CEP152: variants seen among roughly 807,000 people sequenced by gnomAD.
The protein encoded by CEP152 is centrosomal protein 152.
In CEP152, 132 loss-of-function variants were observed where a neutral mutation model predicts 188.9. The ratio of observed to expected loss-of-function variants is 0.70; its 90% confidence interval spans 0.61 to 0.81. CEP152 has a LOEUF of 0.81. CEP152 is among the 30% of genes least tolerant of loss of function. CEP152 has a pLI of 0.00. For missense variants in CEP152, 1,914 were observed against 1,969.8 expected (o/e 0.97, Z 0.54); for synonymous variants, 649 against 666.6 (o/e 0.97, Z 0.41).
chr15:48,801,123 C>T (rs1037576057), intron 2 of CEP152, among the ~76,000 whole-genome samples: 1 of 152,200 alleles, frequency 6.6e-6, no homozygotes, highest in Non-Finnish European at 1.5e-5. Context: ...GAATACCTAA[C>T]GGTCATATTC....
chr15:48,756,616 T>C, intron 19 of CEP152, 63 bp from the exon 20 acceptor site: 1 of 1,507,878 alleles, frequency 6.6e-7, no homozygotes, highest in Non-Finnish European at 9.0e-7. Flanking sequence ...GCAAAAAAAT[T>C]AAGGTAACTA....
In CEP152 at chr15:48,748,303, T is replaced by G. The variant is rs114032571; in HGVS notation, c.3634+140A>C. 4,347 of 1,281,440 alleles carry G rather than the reference T, an allele frequency of 3.4e-3. 140 individuals carry two copies. In the African/African-American group the frequency reaches 0.06, roughly 18 times the overall value. The allele number at this position is 1,281,440 out of a possible 1,614,324, so 79.4% of individuals were successfully genotyped here. A position where few individuals can be genotyped will look rare whatever the true frequency, so the allele number is the denominator to read the frequency against. On this transcript the variant is annotated intron_variant, in intron 22 of 26. Coordinates refer to ENST00000380950, the MANE Select transcript of CEP152 (RefSeq NM_001194998.2). Reference sequence around the variant, plus strand: ...TTGAGTTTTGTAATAATAATTTGATTAGTAAAAATAAGATCCAAATTAGTT... The same window carrying G: ...TTGAGTTTTGTAATAATAATTTGATGAGTAAAAATAAGATCCAAATTAGTT...
downstream of CEP152, among the ~76,000 whole-genome samples, chr15:48,734,231 A>G (rs1892521189): frequency 6.6e-6 from 1 of 150,910 alleles, no homozygotes; most frequent in African/African-American, 2.4e-5. Flanking sequence ...ATATATACAC[A>G]CATACATATA....
chr15:48,800,061 C>A (rs1221283095), intron 2 of CEP152, among the ~76,000 whole-genome samples: 1 of 152,100 alleles, frequency 6.6e-6, no homozygotes, highest in Non-Finnish European at 1.5e-5. Context: ...ACATTGTTTT[C>A]CCCGCACAAA....
chr15:48,739,214 A>G lies in CEP152; in HGVS notation c.4168T>C (p.Cys1390Arg), dbSNP rs369150426. Residue 1390 changes from cysteine (C) to arginine (R), a missense_variant, in exon 27 of 27, where the codon TGT (cysteine) becomes CGT (arginine). Cys to Arg is a radical substitution (Grantham distance 180). Transcript: ENST00000380950. ...CTATTTGATTTGCTTTCAATACAAC[A>G]TGGTATTTTCTGATTCACATCATTT... ...KRNDVNQKIPCCIESKSNSVN... is the reference protein window; with the variant it reads ...KRNDVNQKIPRCIESKSNSVN... 17 of 1,613,140 alleles carry G rather than the reference A, an allele frequency of 1.1e-5. No homozygotes were observed. In the African/African-American group the frequency reaches 1.7e-4, roughly 16 times the overall value.
At chr15:48,799,748 A>G (rs1437269341) in intron 2 of CEP152, among the ~76,000 whole-genome samples, 1 of 152,190 alleles carries the variant, frequency 6.6e-6, no homozygotes, top group Non-Finnish European at 1.5e-5. Context: ...ATATTTGTAC[A>G]AGACATGCCT....
chr15:48,801,498 C>T (rs1282700206), intron 2 of CEP152, among the ~76,000 whole-genome samples: 1 of 152,180 alleles, frequency 6.6e-6, no homozygotes, highest in Non-Finnish European at 1.5e-5. Flanking sequence ...AGATCATTTT[C>T]AAATATGTCA....
intron 15 of CEP152, 63 bp downstream of exon 15, chr15:48,768,156 G>T: frequency 1.1e-6 from 1 of 920,384 alleles, no homozygotes; most frequent in Non-Finnish European, 1.8e-6. Context: ...CACAGGGAAG[G>T]GCAGGGACTT....
At chr15:48,795,247 T>C (rs1897226204) in intron 6 of CEP152, among the ~76,000 whole-genome samples, 1 of 152,196 alleles carries the variant, frequency 6.6e-6, no homozygotes, top group Non-Finnish European at 1.5e-5. Context: ...AGCACTTTTT[T>C]CATTCTCATA....
At chr15:48,731,367 G>C (rs911296975) in intron 2 of CEP152, among the ~76,000 whole-genome samples, 1 of 152,134 alleles carries the variant, frequency 6.6e-6, no homozygotes, top group Non-Finnish European at 1.5e-5. Flanking sequence ...TGACTCAACA[G>C]GGAATATTGT....
chr15:48,738,699 T>C lies in CEP152; in HGVS notation c.4683A>G (p.Pro1561=). Residue 1561 remains proline, a synonymous_variant, in exon 27 of 27, where the codon CCA becomes CCG. Transcript: ENST00000380950. ...CACTAAGGTCCCCTCCATCTTTTAC[T>C]GGAGGTTCCTGAACATCCAAACCTT... ...KSQGLDVQEP[P]VKDGGDLSDC... 6 of 1,614,222 alleles carry C rather than the reference T, an allele frequency of 3.7e-6. No individual in the cohort carries two copies. Among genetic ancestry groups the C allele is most frequent in the Non-Finnish European group, 5.1e-6 (6 of 1,180,026 alleles).
chr15:48,756,584 GTCTT>G, intron 19 of CEP152, 31 bp from the exon 20 acceptor site: 2 of 1,596,800 alleles, frequency 1.3e-6, no homozygotes, highest in Non-Finnish European at 1.7e-6. Flanking sequence ...CATTTTGAAA[GTCTT>G]TATGATTCTC....
downstream of CEP152, among the ~76,000 whole-genome samples, chr15:48,734,434 C>T (rs571152511): frequency 6.6e-6 from 1 of 150,484 alleles, no homozygotes; most frequent in African/African-American, 2.4e-5. Context: ...ATGGTACCCT[C>T]ATAAATATCT....
At chr15:48,771,756 C>T (rs1595650072) in intron 13 of CEP152, among the ~76,000 whole-genome samples, 1 of 152,122 alleles carries the variant, frequency 6.6e-6, no homozygotes, top group African/African-American at 2.4e-5. Context: ...ATGCATCTAA[C>T]CTATTAAAAC....
intron 2 of CEP152, among the ~76,000 whole-genome samples, chr15:48,799,252 A>C (rs1446365306): frequency 6.6e-6 from 1 of 152,142 alleles, no homozygotes; most frequent in Non-Finnish European, 1.5e-5. Flanking sequence ...TCCATAAAAC[A>C]TATCTGAGTA....
At chr15:48,742,438 A>C (rs374039945) in intron 24 of CEP152, among the ~76,000 whole-genome samples, 1 of 152,222 alleles carries the variant, frequency 6.6e-6, no homozygotes, top group Non-Finnish European at 1.5e-5. Context: ...TCAATTGTAC[A>C]TTATGTCCAG....
chr15:48,787,205 T>C (rs1024816990), intron 9 of CEP152, among the ~76,000 whole-genome samples: 1 of 138,766 alleles, frequency 7.2e-6, no homozygotes, highest in South Asian at 2.4e-4. Flanking sequence ...TCTCACTCTG[T>C]TACCCAGGCT....
intron 2 of CEP152, among the ~76,000 whole-genome samples, chr15:48,802,648 G>T (rs184794430): frequency 1.4e-4 from 22 of 151,848 alleles, no homozygotes; most frequent in Non-Finnish European, 2.4e-4. Context: ...CCCAAAATAT[G>T]GGTATATTTG....
intron 19 of CEP152, 74 bp downstream of exon 19, chr15:48,760,061 A>G: frequency 1.3e-6 from 2 of 1,598,758 alleles, no homozygotes; most frequent in Middle Eastern, 1.7e-4. Flanking sequence ...GTAGGTACAA[A>G]TTCCAAGGAC....
Sources: allele counts gnomAD v4.1 joint callset (sites outside exome capture counted in the v4.1 genomes callset), GRCh38; gene constraint gnomAD v4.1.1; transcripts MANE v1.5; gene names NCBI Gene and HGNC (gene_info 2026-07-23, HGNC 2026-07-21).